The following KCNIP4 variants were observed in gnomAD, a reference collection of about 807,000 sequenced individuals.
KCNIP4 encodes the protein Kv channel-interacting protein 4.
A neutral mutation model predicts 34.0 loss-of-function variants in KCNIP4; 12 were observed. That is an observed-to-expected ratio of 0.35 (90% CI 0.23 to 0.57). KCNIP4 has a LOEUF of 0.57. Ranked by LOEUF, KCNIP4 falls within the 20% of genes least tolerant of loss-of-function variation. KCNIP4 has a pLI of 0.83. For synonymous variants in KCNIP4, 124 were observed against 102.2 expected, an observed-to-expected ratio of 1.21 and a Z score of -1.29; for missense variants, 238 against 311.7, an observed-to-expected ratio of 0.76 and a Z score of 1.78.
intron 1 of KCNIP4, among the ~76,000 whole-genome samples, chr4:21,183,040 C>A (rs1161084617): frequency 6.6e-6 from 1 of 152,078 alleles, no homozygotes; most frequent in Admixed American, 6.6e-5. Flanking sequence ...TGTTAATCAC[C>A]GTTTTACTTT....
intron 1 of KCNIP4, among the ~76,000 whole-genome samples, chr4:21,499,099 G>A (rs1903319): frequency 0.026 from 3,962 of 152,178 alleles, 147 homozygotes; most frequent in African/African-American, 0.083. Flanking sequence ...TTGGGAGGCT[G>A]AGGTGGGCAG....
rs1280485247 is a variant in KCNIP4, at chr4:21,749,250, A to T, written c.61+199321T>A. Among the ~76,000 whole-genome samples the T allele has an allele frequency of 1.3e-5, 2 of 152,140 alleles. 1 individual carries two copies. The highest frequency in any genetic ancestry group is 2.9e-5 in the Non-Finnish European group (2 of 68,016). On this transcript the variant is annotated intron_variant, in intron 1 of 8. Transcript: ENST00000382152. ...AAGGCAAGTCTCCAAGCTCATTCTC[A>T]ATGGAAAATTGATGCCAAACCTAAG...
chr4:20,909,662 C>T (rs1242336033), intron 1 of KCNIP4, among the ~76,000 whole-genome samples: 1 of 152,132 alleles, frequency 6.6e-6, no homozygotes, highest in Non-Finnish European at 1.5e-5. Context: ...TTTTTTTATG[C>T]CTGCCTGCAC....
intron 1 of KCNIP4, among the ~76,000 whole-genome samples, chr4:21,036,784 T>C (rs2149772292): frequency 6.6e-6 from 1 of 152,342 alleles, no homozygotes; most frequent in Admixed American, 6.5e-5. Context: ...CTTTTTAAAA[T>C]AAAGAATACT....
intron 6 of KCNIP4, 103 bp from the exon 7 acceptor site, chr4:20,732,888 TTTTG>T (rs1748678049): frequency 1.4e-6 from 1 of 694,516 alleles, no homozygotes; most frequent in Non-Finnish European, 2.4e-6. Flanking sequence ...ATTTTTGACT[TTTTG>T]TTTGTTGGAT....
chr4:21,424,620 AG>A (rs1725785822), intron 1 of KCNIP4, among the ~76,000 whole-genome samples: 1 of 152,072 alleles, frequency 6.6e-6, no homozygotes. Context: ...AAAGAAAGAA[AG>A]AAAGAGAGAA....
chr4:21,792,252 C>G (rs1720343309), intron 1 of KCNIP4, among the ~76,000 whole-genome samples: 1 of 152,082 alleles, frequency 6.6e-6, no homozygotes, highest in Non-Finnish European at 1.5e-5. Flanking sequence ...CAAATTCTAG[C>G]TGAAGGAATC....
chr4:21,370,539 G>T (rs1485525369), intron 1 of KCNIP4, among the ~76,000 whole-genome samples: 1 of 144,014 alleles, frequency 6.9e-6, no homozygotes, highest in East Asian at 2.1e-4. Context: ...TATGTTCTAA[G>T]TGCTATTGAG....
chr4:21,817,586 A>C (rs1722063288), intron 1 of KCNIP4, among the ~76,000 whole-genome samples: 1 of 152,130 alleles, frequency 6.6e-6, no homozygotes, highest in Non-Finnish European at 1.5e-5. Flanking sequence ...GATATTGCTA[A>C]ATTCTTTTCC....
At chr4:21,833,997 T>A (rs1423787246) in intron 1 of KCNIP4, among the ~76,000 whole-genome samples, 3 of 152,064 alleles carry the variant, frequency 2.0e-5, no homozygotes, top group Non-Finnish European at 4.4e-5. Context: ...TACTGTAGCC[T>A]TGTAGTATAG....
intron 1 of KCNIP4, among the ~76,000 whole-genome samples, chr4:21,571,389 C>A (rs1162427379): frequency 6.6e-6 from 1 of 152,154 alleles, no homozygotes; most frequent in Non-Finnish European, 1.5e-5. Flanking sequence ...CTGATCCTAG[C>A]TGTTTATAAG....
intron 1 of KCNIP4, among the ~76,000 whole-genome samples, chr4:21,012,427 T>A (rs982562606): frequency 1.4e-4 from 22 of 151,738 alleles, no homozygotes; most frequent in Admixed American, 1.4e-3. Flanking sequence ...AAAATAAAAA[T>A]AAAAAAATAA....
At chr4:21,531,229 G>C (rs1247701190) in intron 1 of KCNIP4, among the ~76,000 whole-genome samples, 8 of 152,024 alleles carry the variant, frequency 5.3e-5, no homozygotes, top group Admixed American at 5.2e-4. Flanking sequence ...TAGAATTAGA[G>C]GGGTGACAGA....
intron 1 of KCNIP4, among the ~76,000 whole-genome samples, chr4:20,968,390 C>T (rs987419600): frequency 6.6e-6 from 1 of 152,040 alleles, no homozygotes; most frequent in Admixed American, 6.6e-5. Context: ...GGATCTAGAA[C>T]CAGAAATACC....
chr4:21,314,183 T>C (rs1394238939), intron 1 of KCNIP4, among the ~76,000 whole-genome samples: 1 of 152,192 alleles, frequency 6.6e-6, no homozygotes, highest in Non-Finnish European at 1.5e-5. Flanking sequence ...AGGTTGCTCT[T>C]TCAATGCTAG....
At chr4:21,875,777 T>G (rs2109373863) in intron 1 of KCNIP4, among the ~76,000 whole-genome samples, 1 of 152,328 alleles carries the variant, frequency 6.6e-6, no homozygotes, top group East Asian at 1.9e-4. Flanking sequence ...AGGCCTGATT[T>G]CATTATAGTA....
At chr4:21,493,538 T>C (rs867544148) in intron 1 of KCNIP4, among the ~76,000 whole-genome samples, 17 of 152,216 alleles carry the variant, frequency 1.1e-4, no homozygotes, top group African/African-American at 4.1e-4. Context: ...TTTAAGGCTC[T>C]CCTCAAATTG....
intron 1 of KCNIP4, among the ~76,000 whole-genome samples, chr4:21,766,121 T>C (rs537167798): frequency 1.6e-4 from 25 of 152,206 alleles, no homozygotes; most frequent in African/African-American, 5.8e-4. Flanking sequence ...GGTGGAAGAA[T>C]AGGAAAACTC....
At chr4:21,560,908 G>A (rs559163853) in intron 1 of KCNIP4, among the ~76,000 whole-genome samples, 99 of 152,060 alleles carry the variant, frequency 6.5e-4, no homozygotes, top group Non-Finnish European at 1.1e-3. Context: ...AATGAAAAAT[G>A]AGGCCTTGTA....
Sources: gnomAD v4.1 joint callset for allele counts (sites outside exome capture counted in the v4.1 genomes callset) on GRCh38, gnomAD v4.1.1 for gene constraint, MANE v1.5 for transcripts, NCBI Gene and HGNC (gene_info 2026-07-23, HGNC 2026-07-21) for gene names.